PPP6R3: variants seen among roughly 807,000 people sequenced by gnomAD.
PPP6R3 encodes serine/threonine-protein phosphatase 6 regulatory subunit 3.
A neutral mutation model predicts 110.7 loss-of-function variants in PPP6R3; 38 were observed. That is an observed-to-expected ratio of 0.34 (90% CI 0.26 to 0.45). The LOEUF is 0.45. PPP6R3 is among the 20% of genes least tolerant of loss of function. PPP6R3 has a pLI of 1.00. For synonymous variants in PPP6R3, 369 were observed against 373.5 expected, an observed-to-expected ratio of 0.99 and a Z score of 0.14; for missense variants, 870 against 1,062.4, an observed-to-expected ratio of 0.82 and a Z score of 2.52.
intron 11 of PPP6R3, among the ~76,000 whole-genome samples, chr11:68,570,302 G>A (rs1198939803): frequency 1.3e-4 from 20 of 152,216 alleles, no homozygotes; most frequent in Admixed American, 1.3e-3. Flanking sequence ...TTGTGATGTT[G>A]AGAGTCTTCC....
At chr11:68,600,752 G>A (rs2099629357) in intron 20 of PPP6R3, among the ~76,000 whole-genome samples, 1 of 152,188 alleles carries the variant, frequency 6.6e-6, no homozygotes, top group South Asian at 2.1e-4. Flanking sequence ...GCGGTCCCAG[G>A]GAGTTAGCAG....
chr11:68,510,054 C>CTTTTTTTTTTTTTTTTTT, intron 1 of PPP6R3, among the ~76,000 whole-genome samples: 1 of 76,962 alleles, frequency 1.3e-5, no homozygotes, highest in Non-Finnish European at 2.2e-5. Context: ...TGTGCTCGGC[C>CTTTTTTTTTTTTTTTTTT]TTTTTTTTTT....
At chr11:68,521,526 A>C (rs557941509) in intron 2 of PPP6R3, among the ~76,000 whole-genome samples, 1 of 152,018 alleles carries the variant, frequency 6.6e-6, no homozygotes, top group African/African-American at 2.4e-5. Flanking sequence ...ATGCTGTCCT[A>C]CACTAGAGTG....
intron 1 of PPP6R3, among the ~76,000 whole-genome samples, chr11:68,494,418 A>G (rs1171065901): frequency 6.7e-6 from 1 of 150,230 alleles, no homozygotes; most frequent in Non-Finnish European, 1.5e-5. Flanking sequence ...CAAAAAAAAA[A>G]AAAAAAAAAA....
At chr11:68,479,180 A>G (rs896763537) in intron 1 of PPP6R3, among the ~76,000 whole-genome samples, 3 of 152,186 alleles carry the variant, frequency 2.0e-5, no homozygotes, top group African/African-American at 7.2e-5. Flanking sequence ...ATGGCGTACC[A>G]TTAATACAAT....
intron 18 of PPP6R3, among the ~76,000 whole-genome samples, chr11:68,593,166 G>C (rs1172440432): frequency 1.3e-5 from 2 of 152,154 alleles, no homozygotes; most frequent in Admixed American, 6.5e-5. Context: ...GTCTTCTCAT[G>C]ATCTTTTGTA....
At chr11:68,484,309 C>A (rs2098932852) in intron 1 of PPP6R3, among the ~76,000 whole-genome samples, 1 of 152,156 alleles carries the variant, frequency 6.6e-6, no homozygotes, top group Non-Finnish European at 1.5e-5. Context: ...GTGGCTGTAC[C>A]ATTTTATATT....
Position 68,613,234 on chromosome 11 carries a change from A to T in PPP6R3, c.*117A>T. Reference sequence around the variant, plus strand: ...TGCTGCACTCACTCTGCAAGGGATCAGGACCAGCAACCTTTATATTCTAGA... The same window carrying T: ...TGCTGCACTCACTCTGCAAGGGATCTGGACCAGCAACCTTTATATTCTAGA... On this transcript the variant is annotated 3_prime_UTR_variant, in exon 24 of 24. Coordinates refer to ENST00000393800, the MANE Select transcript of PPP6R3 (RefSeq NM_001164161.2). 10 of 1,475,774 alleles carry T rather than the reference A, an allele frequency of 6.8e-6. No homozygotes were observed. The highest frequency in any genetic ancestry group is 9.0e-6 in the Non-Finnish European group (10 of 1,115,208). 91.4% of individuals were successfully genotyped at this position (1,475,774 alleles called of 1,614,324 possible).
At chr11:68,542,268 G>A (rs985266558) in intron 3 of PPP6R3, among the ~76,000 whole-genome samples, 1 of 152,008 alleles carries the variant, frequency 6.6e-6, no homozygotes, top group Non-Finnish European at 1.5e-5. Flanking sequence ...ATAGGGCTGG[G>A]TTCCCTTCTG....
At chr11:68,520,197 A>G (rs904537563) in intron 2 of PPP6R3, among the ~76,000 whole-genome samples, 7 of 152,222 alleles carry the variant, frequency 4.6e-5, no homozygotes, top group African/African-American at 9.6e-5. Context: ...TTTGGGGGAC[A>G]TGCAAACATA....
chr11:68,558,059 T>C (rs746738098), intron 7 of PPP6R3: 2 of 152,254 alleles, frequency 1.3e-5, no homozygotes, highest in Non-Finnish European at 2.9e-5. Context: ...TAGAGTAAAA[T>C]GCAACAACTG....
chr11:68,573,139 TA>T (rs2153794341), intron 12 of PPP6R3, among the ~76,000 whole-genome samples: 1 of 103,582 alleles, frequency 9.7e-6, no homozygotes, highest in East Asian at 3.1e-4. Flanking sequence ...TATATATATA[TA>T]TATATATATA....
At chr11:68,520,510 G>T (rs1020494170) in intron 2 of PPP6R3, among the ~76,000 whole-genome samples, 1 of 152,198 alleles carries the variant, frequency 6.6e-6, no homozygotes, top group East Asian at 1.9e-4. Flanking sequence ...GCAGGTGGAT[G>T]TTTCCTAGGC....
intron 2 of PPP6R3, among the ~76,000 whole-genome samples, chr11:68,527,620 GA>G (rs1221619237): frequency 9.3e-3 from 6 of 648 alleles, no homozygotes; most frequent in Non-Finnish European, 0.048. Context: ...CTTTTGTTCA[GA>G]ATTGTTCTAT....
At chr11:68,565,956 G>C (rs2099464142) in intron 9 of PPP6R3, among the ~76,000 whole-genome samples, 1 of 152,158 alleles carries the variant, frequency 6.6e-6, no homozygotes, top group African/African-American at 2.4e-5. Flanking sequence ...TGAGGCTACT[G>C]ATGTGGATGG....
chr11:68,496,429 G>A (rs1016110540), intron 1 of PPP6R3, among the ~76,000 whole-genome samples: 3 of 151,944 alleles, frequency 2.0e-5, no homozygotes, highest in African/African-American at 7.3e-5. Context: ...TCCTGCCTTA[G>A]CCTCTCTAGT....
chr11:68,536,033 C>T (rs1177882553), intron 2 of PPP6R3, among the ~76,000 whole-genome samples: 3 of 152,058 alleles, frequency 2.0e-5, no homozygotes, highest in African/African-American at 7.2e-5. Context: ...GTTCAGTGAT[C>T]TCATTGCCTA....
rs573254147 is a variant in PPP6R3 at position 68,464,302 on chromosome 11, T to A, written c.-158+3475T>A. On this transcript the variant is annotated intron_variant, in intron 1 of 23. Coordinates refer to ENST00000393800, the MANE Select transcript of PPP6R3 (RefSeq NM_001164161.2). ...ACCCGCCACCATGCCCGGCTGTTTT[T>A]TGTATTTTTAGTAGAGATGGAGTTT... 2.0e-5 allele frequency among the ~76,000 whole-genome samples: 3 copies of A among 152,216 alleles called. No individual in the cohort carries two copies. In the East Asian group the frequency reaches 5.8e-4, roughly 29 times the overall value.
Position 68,583,039 on chromosome 11 carries a change from A to G in PPP6R3, c.1546-4A>G. On this transcript the variant is annotated splice_polypyrimidine_tract_variant and splice_region_variant and intron_variant, in intron 14 of 23. Coordinates refer to ENST00000393800, the MANE Select transcript of PPP6R3 (RefSeq NM_001164161.2). ...AATAGTCTTTTACATTTTTATGCAT[A>G]TAGGTTACAACCTGCCATATTCATT... is the stretch of plus-strand genomic sequence containing the variant. The G allele has an allele frequency of 1.6e-5, 24 of 1,512,290 alleles. No individual in the cohort carries two copies. Among genetic ancestry groups the G allele is most frequent in the Non-Finnish European group, 2.0e-5 (22 of 1,122,494 alleles). The allele number at this position is 1,512,290 out of a possible 1,614,324, so 93.7% of individuals were successfully genotyped here.
Sources: allele counts gnomAD v4.1 joint callset (sites outside exome capture counted in the v4.1 genomes callset), GRCh38; gene constraint gnomAD v4.1.1; transcripts MANE v1.5; gene names NCBI Gene and HGNC (gene_info 2026-07-23, HGNC 2026-07-21).